OR1J2: variants seen among roughly 807,000 people sequenced by gnomAD.
The protein encoded by OR1J2 is olfactory receptor 1J2.
For synonymous variants in OR1J2, 142 were observed against 99.7 expected, an observed-to-expected ratio of 1.42 and a Z score of -2.52; for missense variants, 304 against 246.1, an observed-to-expected ratio of 1.24 and a Z score of -1.57.
chr9:122,502,683 T>G, the OR1J2 span, among the ~76,000 whole-genome samples: 1 of 152,024 alleles, frequency 6.6e-6, no homozygotes, highest in African/African-American at 2.4e-5. Flanking sequence ...TACTTTTTTT[T>G]TTTTTCTGCA....
chr9:122,543,912 A>T, the OR1J2 span, among the ~76,000 whole-genome samples: 1 of 152,212 alleles, frequency 6.6e-6, no homozygotes, highest in Non-Finnish European at 1.5e-5. Context: ...TAAAGCCATT[A>T]AGTTTTGGAG....
At chr9:122,524,628 C>G in the OR1J2 span, among the ~76,000 whole-genome samples, 2 of 152,170 alleles carry the variant, frequency 1.3e-5, no homozygotes, top group African/African-American at 2.4e-5. Flanking sequence ...CATACCCAAA[C>G]AGGATTCATA....
At chr9:122,566,309 C>A in the OR1J2 span, among the ~76,000 whole-genome samples, 1 of 152,232 alleles carries the variant, frequency 6.6e-6, no homozygotes, top group East Asian at 1.9e-4. Context: ...ATTCCATTGG[C>A]AATAAATGTT....
chr9:122,548,803 TTTGTTG>T, the OR1J2 span, among the ~76,000 whole-genome samples: 14,935 of 140,138 alleles, frequency 0.11, 1,114 homozygotes, highest in East Asian at 0.33. Context: ...TCCTGTGTGT[TTTGTTG>T]TTGTTGTTGT....
chr9:122,517,213 C>T, the OR1J2 span, among the ~76,000 whole-genome samples: 4 of 152,282 alleles, frequency 2.6e-5, no homozygotes, highest in Admixed American at 6.5e-5. Flanking sequence ...GAATCTAGGG[C>T]TAATTGCAAT....
At chr9:122,572,550 A>T in the OR1J2 span, among the ~76,000 whole-genome samples, 1 of 149,244 alleles carries the variant, frequency 6.7e-6, no homozygotes, top group Non-Finnish European at 1.5e-5. Context: ...GAATGCAATC[A>T]TTGTTTTGTT....
the OR1J2 span, among the ~76,000 whole-genome samples, chr9:122,562,215 G>C: frequency 6.6e-6 from 1 of 152,240 alleles, no homozygotes; most frequent in Non-Finnish European, 1.5e-5. Flanking sequence ...GAGCTATAGA[G>C]ATGGCTGCCG....
downstream of OR1J2, among the ~76,000 whole-genome samples, chr9:122,515,090 G>A (rs1236633901): frequency 2.0e-5 from 3 of 152,286 alleles, no homozygotes; most frequent in African/African-American, 7.2e-5. Context: ...TGAGCTTTGT[G>A]CCCTGTCCCC....
At chr9:122,514,251 G>A (rs1003190277), downstream of OR1J2, among the ~76,000 whole-genome samples, 3 of 152,162 alleles carry the variant, frequency 2.0e-5, no homozygotes, top group Non-Finnish European at 2.9e-5. Context: ...CACCCAGATA[G>A]TGAGCGTAGT....
At chr9:122,568,092 T>G in the OR1J2 span, 1 of 1,613,634 alleles carries the variant, frequency 6.2e-7, no homozygotes, top group Admixed American at 1.7e-5. Flanking sequence ...GTGGAAAGGG[T>G]CACAGACGGC....
At chr9:122,458,479 TCA>T in the OR1J2 span, among the ~76,000 whole-genome samples, 18 of 152,226 alleles carry the variant, frequency 1.2e-4, no homozygotes, top group Admixed American at 4.6e-4. Context: ...TTTAATTGAC[TCA>T]CAGTTCCACA....
At chr9:122,467,991 A>G in the OR1J2 span, among the ~76,000 whole-genome samples, 1 of 152,214 alleles carries the variant, frequency 6.6e-6, no homozygotes, top group Non-Finnish European at 1.5e-5. Flanking sequence ...GTTCACCTGG[A>G]CATTAATGCC....
the OR1J2 span, among the ~76,000 whole-genome samples, chr9:122,496,222 A>T: frequency 6.6e-6 from 1 of 152,098 alleles, no homozygotes; most frequent in Non-Finnish European, 1.5e-5. Context: ...TATGGGGAGG[A>T]TGCAAACTTG....
chr9:122,470,783 A>G, the OR1J2 span, among the ~76,000 whole-genome samples: 1 of 152,252 alleles, frequency 6.6e-6, no homozygotes, highest in African/African-American at 2.4e-5. Context: ...TTGCATCAGC[A>G]TGACCTGGAT....
the OR1J2 span, among the ~76,000 whole-genome samples, chr9:122,463,332 G>A: frequency 6.6e-6 from 1 of 151,986 alleles, no homozygotes; most frequent in Non-Finnish European, 1.5e-5. Flanking sequence ...TTCATATCCT[G>A]TATCTTTTTT....
chr9:122,576,388 A>ATTT, the OR1J2 span, among the ~76,000 whole-genome samples: 4 of 138,610 alleles, frequency 2.9e-5, no homozygotes, highest in African/African-American at 5.3e-5. Flanking sequence ...CGCCCAGCTA[A>ATTT]TTTTTTTTTT....
At chr9:122,458,730 G>A in the OR1J2 span, among the ~76,000 whole-genome samples, 1 of 152,194 alleles carries the variant, frequency 6.6e-6, no homozygotes, top group Non-Finnish European at 1.5e-5. Context: ...AATTCAAAAT[G>A]AGATTTGGGT....
the OR1J2 span, among the ~76,000 whole-genome samples, chr9:122,473,689 G>A: frequency 7.2e-6 from 1 of 139,292 alleles, no homozygotes; most frequent in African/African-American, 2.9e-5. Flanking sequence ...ACTGGTCACG[G>A]GACTGTCATT....
chr9:122,448,870 T>A, the OR1J2 span: 1 of 151,654 alleles, frequency 6.6e-6, no homozygotes, highest in Non-Finnish European at 1.5e-5. Flanking sequence ...GTTTCTTATG[T>A]CTTCCTTTCT....
Sources: allele counts gnomAD v4.1 joint callset (sites outside exome capture counted in the v4.1 genomes callset), GRCh38; gene constraint gnomAD v4.1.1; transcripts MANE v1.5; gene names NCBI Gene and HGNC (gene_info 2026-07-23, HGNC 2026-07-21).